ERBB4: variants seen among roughly 807,000 people sequenced by gnomAD.
The protein encoded by ERBB4 is receptor tyrosine-protein kinase erbB-4.
In ERBB4, 42 loss-of-function variants were observed where a neutral mutation model predicts 158.0. The observed-to-expected ratio is 0.27, with a 90% CI of 0.21 to 0.34. The LOEUF (loss-of-function observed/expected upper bound fraction) is 0.34. Among genes scored for constraint, ERBB4 ranks in the 10% least tolerant of loss-of-function variants. ERBB4 has a pLI of 1.00. For missense variants in ERBB4, 1,333 were observed against 1,624.1 expected, an observed-to-expected ratio of 0.82 and a Z score of 3.08; for synonymous variants, 583 against 558.7, an observed-to-expected ratio of 1.04 and a Z score of -0.61.
intron 20 of ERBB4, among the ~76,000 whole-genome samples, chr2:211,518,900 T>C (rs2066113975): frequency 6.6e-6 from 1 of 152,142 alleles, no homozygotes; most frequent in Non-Finnish European, 1.5e-5. Flanking sequence ...AATTTACTTA[T>C]TTTTAAAATT....
At chr2:212,003,474 G>C (rs1160758108) in intron 2 of ERBB4, among the ~76,000 whole-genome samples, 2 of 152,000 alleles carry the variant, frequency 1.3e-5, no homozygotes, top group African/African-American at 4.8e-5. Context: ...ATAGTGTCTG[G>C]AGCCAGGGAA....
At chr2:211,436,157 T>C (rs1208001512) in intron 20 of ERBB4, among the ~76,000 whole-genome samples, 1 of 152,144 alleles carries the variant, frequency 6.6e-6, no homozygotes, top group Non-Finnish European at 1.5e-5. Flanking sequence ...GCACTAGTAC[T>C]TTGGCAGAAA....
At chr2:212,013,265 C>A (rs563658309) in intron 2 of ERBB4, among the ~76,000 whole-genome samples, 2 of 151,802 alleles carry the variant, frequency 1.3e-5, no homozygotes, top group Non-Finnish European at 2.9e-5. Context: ...CCATGTTGGC[C>A]GGGTGTAATT....
intron 25 of ERBB4, among the ~76,000 whole-genome samples, chr2:211,393,740 CGT>C (rs58472959): frequency 0.073 from 10,634 of 145,972 alleles, 480 homozygotes; most frequent in African/African-American, 0.13. Flanking sequence ...GAGTTAATAG[CGT>C]GTGTGTGTGT....
At chr2:212,379,378 A>T (rs1165996103) in intron 1 of ERBB4, among the ~76,000 whole-genome samples, 1 of 151,710 alleles carries the variant, frequency 6.6e-6, no homozygotes, top group Non-Finnish European at 1.5e-5. Flanking sequence ...AGTTTAGAAC[A>T]GCTCCTTTAT....
In ERBB4 at chr2:211,518,095, C is replaced by G. The variant is rs1282089967; in HGVS notation, c.2487+43808G>C. Among the ~76,000 whole-genome samples, 4 of 151,984 alleles carry G rather than the reference C, an allele frequency of 2.6e-5. No individual in the cohort carries two copies. The East Asian group carries it at 7.8e-4, about 29-fold the overall frequency. ...TATTCCTCATATTTATGTAATATGA[C>G]TTTTCTTATTCCATAGTATTAAATA... is the stretch of plus-strand genomic sequence containing the variant. On this transcript the variant is annotated intron_variant, in intron 20 of 27. Coordinates refer to ENST00000342788, the MANE Select transcript of ERBB4 (RefSeq NM_005235.3).
In ERBB4 at chr2:212,416,182, C is replaced by T. The variant is rs975651549; in HGVS notation, c.82+122267G>A. On this transcript the variant is annotated intron_variant, in intron 1 of 27. Transcript: ENST00000342788. ...CATCTTTCTGTACAAACTAAATCAACGGAAAGTTACCCTCCAAATGAGTCC... is the reference window on the plus strand; with the variant it reads ...CATCTTTCTGTACAAACTAAATCAATGGAAAGTTACCCTCCAAATGAGTCC... Among the ~76,000 whole-genome samples the T allele has an allele frequency of 5.3e-5, 8 of 152,120 alleles. No individual in the cohort carries two copies. The East Asian group carries it at 7.7e-4, about 15-fold the overall frequency.
At chr2:212,205,211 A>C (rs955874247) in intron 1 of ERBB4, among the ~76,000 whole-genome samples, 1 of 152,102 alleles carries the variant, frequency 6.6e-6, no homozygotes, top group African/African-American at 2.4e-5. Context: ...CTCAGGCTGG[A>C]GTGCAGTGGC....
intron 19 of ERBB4, among the ~76,000 whole-genome samples, chr2:211,569,778 T>C (rs1466386795): frequency 2.0e-5 from 3 of 152,156 alleles, no homozygotes; most frequent in Non-Finnish European, 4.4e-5. Context: ...ATTGAAAAGG[T>C]GGGTAGGGAC....
chr2:212,285,858 T>A (rs2085941652), intron 1 of ERBB4, among the ~76,000 whole-genome samples: 1 of 152,150 alleles, frequency 6.6e-6, no homozygotes, highest in South Asian at 2.1e-4. Flanking sequence ...GGCTCAAAAA[T>A]ACCCAGTAAT....
At chr2:211,730,998 G>A (rs1442685175) in intron 5 of ERBB4, among the ~76,000 whole-genome samples, 2 of 151,992 alleles carry the variant, frequency 1.3e-5, no homozygotes, top group African/African-American at 4.8e-5. Context: ...GTGTTGTAAA[G>A]GTCCCTATCA....
At chr2:212,106,512 A>C (rs1407497067) in intron 2 of ERBB4, among the ~76,000 whole-genome samples, 1 of 152,230 alleles carries the variant, frequency 6.6e-6, no homozygotes, top group African/African-American at 2.4e-5. Flanking sequence ...ATAGAGCATA[A>C]AAGTTTGGAA....
At chr2:211,887,704 A>G (rs763543788) in intron 3 of ERBB4, among the ~76,000 whole-genome samples, 14 of 152,122 alleles carry the variant, frequency 9.2e-5, no homozygotes, top group Non-Finnish European at 1.8e-4. Flanking sequence ...TTTTCTGTTT[A>G]ATCATGTTAT....
intron 2 of ERBB4, among the ~76,000 whole-genome samples, chr2:212,011,176 G>C (rs1158727002): frequency 1.3e-5 from 2 of 150,564 alleles, no homozygotes; most frequent in Non-Finnish European, 3.0e-5. Flanking sequence ...AGAGATTAAA[G>C]TAAAGACAGG....
chr2:212,195,855 C>T (rs1052955816), intron 1 of ERBB4, among the ~76,000 whole-genome samples: 12 of 152,078 alleles, frequency 7.9e-5, no homozygotes, highest in Non-Finnish European at 1.5e-4. Flanking sequence ...TCCTGGTTTC[C>T]TTTCGTTATA....
chr2:211,832,605 T>C (rs919874733), intron 3 of ERBB4, among the ~76,000 whole-genome samples: 1 of 150,712 alleles, frequency 6.6e-6, no homozygotes, highest in Non-Finnish European at 1.5e-5. Flanking sequence ...TAAACGTGTG[T>C]GTGTATATAT....
intron 1 of ERBB4, among the ~76,000 whole-genome samples, chr2:212,162,221 T>C (rs1276103927): frequency 6.6e-6 from 1 of 151,818 alleles, no homozygotes; most frequent in African/African-American, 2.4e-5. Context: ...ATTCATGCAA[T>C]GCAATACTAC....
intron 1 of ERBB4, among the ~76,000 whole-genome samples, chr2:212,311,541 A>C (rs749857586): frequency 7.3e-5 from 11 of 150,850 alleles, no homozygotes; most frequent in Non-Finnish European, 1.3e-4. Flanking sequence ...TTTTAATACC[A>C]GTTTGTAAAG....
chr2:211,555,945 G>A (rs1261991065), intron 20 of ERBB4, among the ~76,000 whole-genome samples: 1 of 152,176 alleles, frequency 6.6e-6, no homozygotes, highest in Admixed American at 6.5e-5. Context: ...ACATCACGAT[G>A]ACAGGATCAA....
Sources: allele counts gnomAD v4.1 joint callset (sites outside exome capture counted in the v4.1 genomes callset), GRCh38; gene constraint gnomAD v4.1.1; transcripts MANE v1.5; gene names NCBI Gene and HGNC (gene_info 2026-07-23, HGNC 2026-07-21).